R3HDM4: variants seen among roughly 807,000 people sequenced by gnomAD.
R3HDM4 encodes R3H domain containing 4, also known as R3H domain-containing protein 4.
A neutral mutation model predicts 31.3 loss-of-function variants in R3HDM4; 30 were observed. That is an observed-to-expected ratio of 0.96 (90% CI 0.72 to 1.30). The LOEUF (loss-of-function observed/expected upper bound fraction) is 1.30, where lower values mean the gene tolerates loss of function less well. Ranked by LOEUF, R3HDM4 falls within the 50% of genes most tolerant of loss-of-function variation. The pLI is 0.00. For synonymous variants in R3HDM4, 196 were observed against 156.6 expected, an observed-to-expected ratio of 1.25 and a Z score of -1.88; for missense variants, 444 against 366.1, an observed-to-expected ratio of 1.21 and a Z score of -1.74.
rs946699786 is a variant in R3HDM4 at position 897,218 on chromosome 19, A to C, written c.*219T>G. On this transcript the variant is annotated 3_prime_UTR_variant, in exon 8 of 8. Transcript: ENST00000361574. The stretch of plus-strand genomic sequence containing the variant: ...CTCCCCACCCAAACACAAGTCCCGG[A>C]GTGGGAAGCTTGGAGCTGGGATGGC... 5.9e-6 allele frequency: 3 copies of C among 506,912 alleles called. No individual in the cohort carries two copies. The highest frequency in any genetic ancestry group is 7.6e-5 in the Admixed American group (2 of 26,348). 31.4% of individuals were successfully genotyped at this position (506,912 alleles called of 1,614,324 possible). A position where few individuals can be genotyped will look rare whatever the true frequency, so the allele number is the denominator to read the frequency against.
At chr19:900,196 C>T (rs375919968) in intron 4 of R3HDM4, 50 bp from the exon 5 acceptor site, 32 of 1,440,756 alleles carry the variant, frequency 2.2e-5, no homozygotes, top group Non-Finnish European at 3.0e-5. Context: ...CGTCCTGGCC[C>T]TGCCCACCTG....
At chr19:910,553 G>A (rs978132213) in intron 1 of R3HDM4, among the ~76,000 whole-genome samples, 8 of 150,782 alleles carry the variant, frequency 5.3e-5, no homozygotes, top group Non-Finnish European at 8.9e-5. Flanking sequence ...GATGGCTTGA[G>A]CCCAGAAGTT....
Position 913,196 on chromosome 19 carries a change from C to A in R3HDM4, c.-39G>T. 9.5e-7 allele frequency: 1 copy of A among 1,056,540 alleles called. No individual in the cohort carries two copies. The highest frequency in any genetic ancestry group is 1.1e-6 in the Non-Finnish European group (1 of 878,180). The allele number at this position is 1,056,540 out of a possible 1,614,324, so 65.4% of individuals were successfully genotyped here. A position where few individuals can be genotyped will look rare whatever the true frequency, so the allele number is the denominator to read the frequency against. On this transcript the variant is annotated 5_prime_UTR_variant, in exon 1 of 8. Transcript: ENST00000361574. The surrounding 1 kb of genome is among the most constrained non-coding windows in gnomAD (Gnocchi z 5.0). ...TCGCCGCCGCCGCCGCCCGGCAGGG[C>A]CTTCACCGGGCCGGGCAGGAAGTGA...
chr19:909,459 G>T (rs1568343665), intron 1 of R3HDM4, among the ~76,000 whole-genome samples: 1 of 152,082 alleles, frequency 6.6e-6, no homozygotes, highest in Non-Finnish European at 1.5e-5. Context: ...GCGGAAACAT[G>T]AGTGTATTTA....
At chr19:903,445 G>A (rs1361311295) in intron 1 of R3HDM4, among the ~76,000 whole-genome samples, 2 of 152,082 alleles carry the variant, frequency 1.3e-5, no homozygotes, top group Non-Finnish European at 2.9e-5. Flanking sequence ...GAAGCGGGTG[G>A]TTGGACAGGG....
intron 1 of R3HDM4, among the ~76,000 whole-genome samples, chr19:906,260 C>T (rs1239179118): frequency 1.4e-5 from 2 of 145,912 alleles, no homozygotes; most frequent in Non-Finnish European, 3.0e-5. Flanking sequence ...CGCTCTGTCG[C>T]CCAGGCTGGA....
intron 1 of R3HDM4, among the ~76,000 whole-genome samples, chr19:902,941 CA>C (rs916149718): frequency 6.8e-6 from 1 of 147,990 alleles, no homozygotes; most frequent in Non-Finnish European, 1.5e-5. Context: ...GACCTTGTCT[CA>C]AAAAAAAACA....
chr19:904,306 G>A (rs1401435422), intron 1 of R3HDM4, among the ~76,000 whole-genome samples: 1 of 152,308 alleles, frequency 6.6e-6, no homozygotes, highest in Non-Finnish European at 1.5e-5. Context: ...CTGGCTGGCT[G>A]TAACCCCCAC....
At chr19:897,817 G>A (rs1203068027) in intron 7 of R3HDM4, among the ~76,000 whole-genome samples, 2 of 152,212 alleles carry the variant, frequency 1.3e-5, no homozygotes, top group Non-Finnish European at 2.9e-5. Flanking sequence ...AAACGCACTG[G>A]GCCTGAGGCC....
chr19:897,471 A>G lies in R3HDM4; in HGVS notation c.773T>C (p.Leu258Pro). Residue 258 changes from leucine to proline, a missense_variant, in exon 8 of 8, where the codon CTG becomes CCG. Coordinates refer to ENST00000361574, the MANE Select transcript of R3HDM4 (RefSeq NM_138774.4). The stretch of plus-strand genomic sequence containing the variant: ...CTGCTCCAGGTAGGCGGACAGGAGC[A>G]GCCCCGGCGGCAGGAAATCCAGGTG... ...NRHLDFLPPGLLLSAYLEQHS is the reference protein window; with the variant it reads ...NRHLDFLPPGPLLSAYLEQHS 1.2e-6 allele frequency: 2 copies of G among 1,612,332 alleles called. No homozygotes were observed. Among genetic ancestry groups the G allele is most frequent in the South Asian group, 1.1e-5 (1 of 90,914 alleles).
At position 899,291 on chromosome 19, in the gene R3HDM4, G is replaced by A; in HGVS notation, c.703+149C>T. The stretch of plus-strand genomic sequence containing the variant: ...GGTGAATTCAAGGCAGGGTCCCACT[G>A]CCACCCCTGAGTTCGTAGCGTCCCC... On this transcript the variant is annotated intron_variant, in intron 7 of 7. Transcript: ENST00000361574. The surrounding 1 kb of genome is among the most constrained non-coding windows in gnomAD (Gnocchi z 6.8). 4 of 777,202 alleles carry A rather than the reference G, an allele frequency of 5.1e-6. No individual in the cohort carries two copies. The highest frequency in any genetic ancestry group is 3.4e-5 in the African/African-American group (2 of 58,174). 48.1% of individuals were successfully genotyped at this position (777,202 alleles called of 1,614,324 possible). A position where few individuals can be genotyped will look rare whatever the true frequency, so the allele number is the denominator to read the frequency against.
chr19:908,465 C>T (rs900202863), intron 1 of R3HDM4, among the ~76,000 whole-genome samples: 4 of 151,914 alleles, frequency 2.6e-5, no homozygotes, highest in Admixed American at 6.6e-5. Flanking sequence ...AAAAAATTAT[C>T]TGGGCATAGT....
intron 7 of R3HDM4, among the ~76,000 whole-genome samples, chr19:898,986 G>A (rs2036785001): frequency 6.6e-6 from 1 of 152,182 alleles, no homozygotes; most frequent in Admixed American, 6.5e-5. Flanking sequence ...ACGGGGGTGA[G>A]TTCTGAGACT....
chr19:898,806 A>C (rs2036779903), intron 7 of R3HDM4, among the ~76,000 whole-genome samples: 1 of 152,072 alleles, frequency 6.6e-6, no homozygotes, highest in Non-Finnish European at 1.5e-5. Context: ...TTCTGAGCAG[A>C]GGCAGGCATG....
At chr19:900,987 A>T in intron 3 of R3HDM4, 35 bp from the exon 4 acceptor site, 2 of 1,533,600 alleles carry the variant, frequency 1.3e-6, no homozygotes, top group Non-Finnish European at 1.8e-6. Flanking sequence ...CTTGCCATGA[A>T]ACACTGGGGC....
intron 1 of R3HDM4, among the ~76,000 whole-genome samples, chr19:906,677 C>T (rs2145298341): frequency 6.6e-6 from 1 of 152,296 alleles, no homozygotes; most frequent in Non-Finnish European, 1.5e-5. Context: ...CTCAGCCATG[C>T]CACACTGCTT....
intron 1 of R3HDM4, 164 bp from the exon 2 acceptor site, chr19:902,294 C>T (rs746954165): frequency 1.4e-6 from 1 of 690,366 alleles, no homozygotes. Flanking sequence ...GTTTCATCCT[C>T]ACATCACAGG....
intron 1 of R3HDM4, among the ~76,000 whole-genome samples, chr19:911,666 G>A (rs2036972603): frequency 6.6e-6 from 1 of 152,168 alleles, no homozygotes; most frequent in Non-Finnish European, 1.5e-5. Context: ...GGAGGAGGCA[G>A]GAACGGAACA....
At position 900,923 on chromosome 19, in the gene R3HDM4, C is replaced by T; in HGVS notation, c.381G>A (p.Gly127=). 1.9e-6 allele frequency: 3 copies of T among 1,607,912 alleles called. No individual in the cohort carries two copies. Among genetic ancestry groups the T allele is most frequent in the East Asian group, 4.5e-5 (2 of 44,332 alleles). ...EVWNDFMNRS[G]EEQERVLRYL... is the part of the protein sequence containing the mutation. ...AGCGAAGAACCCGCTCCTGCTCCTCCCCGGAGCGGTTCATGAAATCGTTCC... is the reference window on the plus strand; with the variant it reads ...AGCGAAGAACCCGCTCCTGCTCCTCTCCGGAGCGGTTCATGAAATCGTTCC... Residue 127 remains glycine, a synonymous_variant, in exon 4 of 8, where the codon GGG becomes GGA. Transcript: ENST00000361574.
Sources: allele counts gnomAD v4.1 joint callset (sites outside exome capture counted in the v4.1 genomes callset), GRCh38; gene constraint gnomAD v4.1.1; non-coding constraint Gnocchi (gnomAD v3.1); transcripts MANE v1.5; gene names NCBI Gene and HGNC (gene_info 2026-07-23, HGNC 2026-07-21).